Variants in OPCML observed in about 807,000 individuals in gnomAD.
The protein encoded by OPCML is opioid-binding protein/cell adhesion molecule.
A neutral mutation model predicts 37.8 loss-of-function variants in OPCML; 13 were observed. The ratio of observed to expected loss-of-function variants is 0.34; its 90% CI spans 0.22 to 0.55. The LOEUF (loss-of-function observed/expected upper bound fraction) is 0.55, where lower values mean the gene tolerates loss of function less well. Among genes scored for constraint, OPCML ranks in the 20% least tolerant of loss-of-function variants. The pLI, the probability that OPCML is intolerant of heterozygous loss-of-function variation, is 0.91. For synonymous variants in OPCML, 176 were observed against 168.8 expected, an observed-to-expected ratio of 1.04 and a Z score of -0.33; for missense variants, 341 against 435.6, an observed-to-expected ratio of 0.78 and a Z score of 1.93.
chr11:133,304,566 C>A (rs1376313834), intron 1 of OPCML, among the ~76,000 whole-genome samples: 2 of 152,196 alleles, frequency 1.3e-5, no homozygotes, highest in African/African-American at 4.8e-5. Flanking sequence ...TTCTTGAACT[C>A]TTGGCCTCCC....
intron 1 of OPCML, among the ~76,000 whole-genome samples, chr11:133,275,079 A>G (rs1032128885): frequency 1.3e-5 from 2 of 152,174 alleles, no homozygotes; most frequent in Non-Finnish European, 2.9e-5. Context: ...AGCACCCTTC[A>G]GTTTCCTGGT....
chr11:133,475,673 A>G (rs1374295923), intron 1 of OPCML, among the ~76,000 whole-genome samples: 2 of 152,222 alleles, frequency 1.3e-5, no homozygotes, highest in African/African-American at 4.8e-5. Context: ...AATAAGAGAG[A>G]CATCAGCAGG....
chr11:132,835,487 TC>T (rs1194733731), intron 2 of OPCML, among the ~76,000 whole-genome samples: 1 of 152,348 alleles, frequency 6.6e-6, no homozygotes, highest in African/African-American at 2.4e-5. Context: ...AGTCTGTCTC[TC>T]CCTAGTCAGT....
chr11:133,232,454 C>A (rs1350520256), intron 1 of OPCML, among the ~76,000 whole-genome samples: 1 of 151,970 alleles, frequency 6.6e-6, no homozygotes, highest in African/African-American at 2.4e-5. Context: ...AACATGGAAA[C>A]AATGTGCAAA....
At chr11:132,973,248 T>C (rs1946382136) in intron 1 of OPCML, among the ~76,000 whole-genome samples, 2 of 152,142 alleles carry the variant, frequency 1.3e-5, no homozygotes, top group South Asian at 4.1e-4. Flanking sequence ...TGAGGCTCTG[T>C]GCAAGTGGGT....
At chr11:133,244,920 G>C (rs981408198) in intron 1 of OPCML, among the ~76,000 whole-genome samples, 11 of 152,222 alleles carry the variant, frequency 7.2e-5, no homozygotes. Context: ...AGGTCTGAGG[G>C]GGGAGACATG....
At chr11:132,688,818 C>T (rs2135881215) in intron 2 of OPCML, among the ~76,000 whole-genome samples, 1 of 91,550 alleles carries the variant, frequency 1.1e-5, no homozygotes, top group South Asian at 3.7e-4. Flanking sequence ...GGCGCGGTGG[C>T]GGGCGCCTGT....
intron 3 of OPCML, among the ~76,000 whole-genome samples, chr11:132,593,672 G>C (rs919904180): frequency 6.6e-6 from 1 of 152,190 alleles, no homozygotes. Flanking sequence ...AATTCTCTGA[G>C]ATGAAGTTTA....
chr11:132,515,679 T>C (rs1012907064), intron 4 of OPCML, among the ~76,000 whole-genome samples: 1 of 152,214 alleles, frequency 6.6e-6, no homozygotes, highest in African/African-American at 2.4e-5. Flanking sequence ...TTTCTTCCCC[T>C]TTTCCTCCTT....
rs1381831974 is a variant in OPCML, at chr11:132,707,403, T to C, written c.147-50084A>G. ...CATTAAAGAAAAAGAAAGCAGCTAA[T>C]GGTTATGGAATACCTAGTATGTGCC... is the stretch of plus-strand genomic sequence containing the variant. On this transcript the variant is annotated intron_variant, in intron 2 of 7. Transcript: ENST00000524381. Among the ~76,000 whole-genome samples the C allele has an allele frequency of 2.0e-5, 3 of 152,194 alleles. No individual in the cohort carries two copies. The East Asian group carries it at 5.8e-4, about 29-fold the overall frequency.
intron 1 of OPCML, among the ~76,000 whole-genome samples, chr11:133,344,647 G>C (rs988784262): frequency 5.3e-5 from 8 of 152,094 alleles, no homozygotes; most frequent in Non-Finnish European, 7.4e-5. Flanking sequence ...CTCTTTTTGA[G>C]AACCCCCCAC....
In OPCML at chr11:133,398,846, C is replaced by A. The variant is rs145839724; in HGVS notation, c.61+133418G>T. ...CTCCCGGCCAGGGTCCCATGCCTCACCAAACCTAATTTTCTATTAGCCCTA... is the reference window on the plus strand; with the variant it reads ...CTCCCGGCCAGGGTCCCATGCCTCAACAAACCTAATTTTCTATTAGCCCTA... On this transcript the variant is annotated intron_variant, in intron 1 of 7. Coordinates refer to ENST00000524381, the MANE Select transcript of OPCML (RefSeq NM_001012393.5). Among the ~76,000 whole-genome samples, 838 of 152,180 alleles carry A rather than the reference C, an allele frequency of 5.5e-3. 10 individuals carry two copies. Among genetic ancestry groups the A allele is most frequent in the African/African-American group, 0.02 (809 of 41,472 alleles).
intron 1 of OPCML, among the ~76,000 whole-genome samples, chr11:133,257,137 G>C (rs995919954): frequency 7.9e-5 from 12 of 152,210 alleles, no homozygotes; most frequent in African/African-American, 2.9e-4. Flanking sequence ...GAACACCACT[G>C]TCCTACTTAA....
At chr11:132,903,969 T>C (rs1459837407) in intron 2 of OPCML, among the ~76,000 whole-genome samples, 1 of 152,262 alleles carries the variant, frequency 6.6e-6, no homozygotes, top group African/African-American at 2.4e-5. Flanking sequence ...AAATCAGCTA[T>C]ATGGCTTCAA....
intron 1 of OPCML, among the ~76,000 whole-genome samples, chr11:133,033,508 T>A (rs1328196528): frequency 1.3e-5 from 2 of 152,242 alleles, no homozygotes; most frequent in Non-Finnish European, 2.9e-5. Flanking sequence ...CAAAAGTAGC[T>A]ATTAGAAGAA....
chr11:132,455,079 C>T (rs1249050863), intron 4 of OPCML, among the ~76,000 whole-genome samples: 1 of 152,206 alleles, frequency 6.6e-6, no homozygotes, highest in African/African-American at 2.4e-5. Context: ...TAAAACATAA[C>T]AGCTACATTC....
At chr11:133,187,014 A>G (rs1938114492) in intron 1 of OPCML, among the ~76,000 whole-genome samples, 1 of 152,152 alleles carries the variant, frequency 6.6e-6, no homozygotes, top group Admixed American at 6.5e-5. Flanking sequence ...AGGTCTTCAG[A>G]TGATCCACAG....
intron 1 of OPCML, among the ~76,000 whole-genome samples, chr11:133,430,389 T>C (rs528426442): frequency 5.3e-5 from 8 of 152,256 alleles, no homozygotes; most frequent in African/African-American, 1.9e-4. Flanking sequence ...AAAATTGAAA[T>C]AAATCTTCAC....
chr11:132,651,625 T>C (rs759894544), intron 3 of OPCML, among the ~76,000 whole-genome samples: 5 of 152,212 alleles, frequency 3.3e-5, no homozygotes, highest in Non-Finnish European at 1.5e-5. Context: ...ATAACGTTTA[T>C]ACTTAGTGCA....
Sources: allele counts gnomAD v4.1 joint callset (sites outside exome capture counted in the v4.1 genomes callset), GRCh38; gene constraint gnomAD v4.1.1; transcripts MANE v1.5; gene names NCBI Gene and HGNC (gene_info 2026-07-23, HGNC 2026-07-21).